DMD: variants seen among roughly 807,000 people sequenced by gnomAD.
DMD encodes mutant dystrophin.
DMD carries 63 observed loss-of-function variants against 330.1 expected under a neutral mutation model. That is an observed-to-expected ratio of 0.19 (90% CI 0.16 to 0.24). The LOEUF (loss-of-function observed/expected upper bound fraction) is 0.24. DMD is among the 10% of genes least tolerant of loss of function. The pLI is 1.00. For missense variants in DMD, 3,344 were observed against 2,684.1 expected (o/e 1.25, Z -5.43); for synonymous variants, 1,223 against 959.8 (o/e 1.27, Z -5.07).
intron 44 of DMD, among the ~76,000 whole-genome samples, chrX:32,002,168 T>C (rs1021040673): frequency 8.9e-5 from 10 of 111,732 alleles, no homozygotes; most frequent in Non-Finnish European, 1.9e-4. Context: ...GCCTCTATGG[T>C]GTCTTTTAAT....
At chrX:32,048,403 T>TA (rs1157908668) in intron 44 of DMD, among the ~76,000 whole-genome samples, 1 of 106,956 alleles carries the variant, frequency 9.3e-6, no homozygotes, top group African/African-American at 3.4e-5. Context: ...TTTCACATCA[T>TA]ATCAACCAGT....
intron 60 of DMD, among the ~76,000 whole-genome samples, chrX:31,432,039 G>A (rs1325542360): frequency 4.5e-5 from 5 of 110,469 alleles, no homozygotes; most frequent in African/African-American, 9.9e-5. Context: ...GGTCTCGAAC[G>A]CCTGACCTCA....
chrX:32,506,726 T>C (rs2044666850), intron 18 of DMD, among the ~76,000 whole-genome samples: 1 of 111,485 alleles, frequency 9.0e-6, no homozygotes, highest in South Asian at 3.7e-4. Flanking sequence ...ACCCAGTTTG[T>C]GGTATTTTGT....
At chrX:32,212,916 G>T (rs1421923676) in intron 44 of DMD, among the ~76,000 whole-genome samples, 1 of 110,938 alleles carries the variant, frequency 9.0e-6, no homozygotes, top group Non-Finnish European at 1.9e-5. Context: ...AAATAGAGTT[G>T]CATGGAACCA....
chrX:31,810,345 TA>T (rs778928059), intron 50 of DMD, among the ~76,000 whole-genome samples: 78 of 111,490 alleles, frequency 7.0e-4, no homozygotes, highest in Non-Finnish European at 1.4e-3. Flanking sequence ...TGATTTAAGA[TA>T]GAAAAGAAAA....
In DMD at chrX:32,464,620, G is replaced by T; in HGVS notation, c.3242C>A (p.Ser1081Ter). The change falls in exon 24 of 79, where the codon TCA becomes TAA. Residue 1081 changes from serine (S) to a stop codon, truncating the protein, a stop_gained. Transcript: ENST00000357033. LOFTEE classifies it high-confidence loss of function. ...TTTCAGCTGCTTTTTTAGAATTTCT[G>T]AATCCCCAAGGGCAGGCCATTCCTC... ...LKEEWPALGD[S>*]EILKKQLKQC... 1 of 1,209,541 alleles carries T rather than the reference G, an allele frequency of 8.3e-7. No homozygotes were observed. The highest frequency in any genetic ancestry group is 1.1e-6 in the Non-Finnish European group (1 of 893,800).
At chrX:33,258,119 T>G (rs1342995507) in intron 1 of DMD, among the ~76,000 whole-genome samples, 2 of 111,493 alleles carry the variant, frequency 1.8e-5, no homozygotes, top group Non-Finnish European at 3.8e-5. Flanking sequence ...GCACAATGTT[T>G]TATGCATGAC....
At chrX:32,206,178 G>A (rs888066126) in intron 44 of DMD, 25 of 508,361 alleles carry the variant, frequency 4.9e-5, no homozygotes, top group Non-Finnish European at 7.9e-5. Flanking sequence ...AACACCATCA[G>A]TGGTCTTACG....
intron 11 of DMD, among the ~76,000 whole-genome samples, chrX:32,641,293 G>A (rs1184640789): frequency 9.2e-6 from 1 of 108,688 alleles, no homozygotes; most frequent in Non-Finnish European, 1.9e-5. Flanking sequence ...TGTTTCATGA[G>A]ATCTGGGGCC....
intron 1 of DMD, among the ~76,000 whole-genome samples, chrX:33,271,790 AC>A (rs375883695): frequency 0.025 from 2,717 of 108,456 alleles, 102 homozygotes; most frequent in African/African-American, 0.088. Context: ...AAAAAAAAAA[AC>A]CAAAAAAAAG....
intron 9 of DMD, among the ~76,000 whole-genome samples, chrX:32,654,741 T>C (rs1037749022): frequency 8.9e-6 from 1 of 111,936 alleles, no homozygotes. Context: ...AGCTCTTCCT[T>C]GTACCTCTGG....
intron 1 of DMD, among the ~76,000 whole-genome samples, chrX:33,119,642 T>A (rs2095411174): frequency 9.0e-6 from 1 of 110,946 alleles, no homozygotes. Flanking sequence ...GAAGTGTGGT[T>A]CTTGGTAAAG....
chrX:32,470,424 T>G (rs887525802), intron 22 of DMD, among the ~76,000 whole-genome samples: 1 of 110,569 alleles, frequency 9.0e-6, no homozygotes, highest in Non-Finnish European at 1.9e-5. Flanking sequence ...TGGTTTTTAT[T>G]TTGGTGTAAC....
At chrX:32,442,854 C>A (rs1329645245) in intron 27 of DMD, among the ~76,000 whole-genome samples, 2 of 110,608 alleles carry the variant, frequency 1.8e-5, no homozygotes, top group Admixed American at 9.6e-5. Context: ...ATCTCAGACA[C>A]AAATATGTTG....
rs778959890 is a variant in DMD at position 32,570,830 on chromosome X, G to T, written c.1812+2700C>A. Among the ~76,000 whole-genome samples the T allele has an allele frequency of 9.8e-5, 11 of 111,768 alleles. No homozygotes were observed. The South Asian group carries it at 4.1e-3, about 42-fold the overall frequency. On this transcript the variant is annotated intron_variant, in intron 15 of 78. Transcript: ENST00000357033. ...TCTAGCTTTAACATATTTGGATTTT[G>T]TCAGTTTGTGGCTTCCTAAGAACAA...
chrX:32,582,465 A>G (rs2053750374), intron 13 of DMD, among the ~76,000 whole-genome samples: 2 of 112,064 alleles, frequency 1.8e-5, no homozygotes, highest in Admixed American at 1.9e-4. Flanking sequence ...TAAAAACTAT[A>G]AAACATTATT....
At chrX:32,643,121 C>T (rs2059575036) in intron 11 of DMD, among the ~76,000 whole-genome samples, 1 of 111,028 alleles carries the variant, frequency 9.0e-6, no homozygotes, top group Non-Finnish European at 1.9e-5. Context: ...CAATCATCAC[C>T]ACGATCACAG....
chrX:32,157,639 G>A (rs1437563967), intron 44 of DMD, among the ~76,000 whole-genome samples: 2 of 111,923 alleles, frequency 1.8e-5, no homozygotes, highest in South Asian at 3.7e-4. Flanking sequence ...TCTTCTTCCC[G>A]ACTCTCTAAC....
chrX:32,606,657 G>A (rs1322349142), intron 12 of DMD, among the ~76,000 whole-genome samples: 1 of 108,031 alleles, frequency 9.3e-6, no homozygotes, highest in Non-Finnish European at 1.9e-5. Context: ...CAACCTAAGC[G>A]TCCATCAGTA....
Sources: allele counts gnomAD v4.1 joint callset (sites outside exome capture counted in the v4.1 genomes callset), GRCh38; gene constraint gnomAD v4.1.1; transcripts MANE v1.5; gene names NCBI Gene and HGNC (gene_info 2026-07-23, HGNC 2026-07-21).